Variants in COL23A1 observed in about 807,000 individuals in gnomAD.
COL23A1 encodes collagen alpha-1(XXIII) chain.
COL23A1 carries 97 observed loss-of-function variants against 99.3 expected under a neutral mutation model. The observed-to-expected ratio is 0.98, with a 90% CI of 0.83 to 1.16. COL23A1 has a LOEUF of 1.16. COL23A1 is among the 50% of genes most tolerant of loss of function. The probability of loss-of-function intolerance (pLI) is 0.00; values close to 1 mark genes in which losing one functional copy is unlikely to be tolerated. For missense variants in COL23A1, 762 were observed against 757.4 expected, an observed-to-expected ratio of 1.01 and a Z score of -0.07; for synonymous variants, 320 against 308.2, an observed-to-expected ratio of 1.04 and a Z score of -0.40.
intron 2 of COL23A1, among the ~76,000 whole-genome samples, chr5:178,485,741 C>A (rs1757588613): frequency 7.2e-6 from 1 of 139,548 alleles, no homozygotes; most frequent in East Asian, 2.1e-4. Flanking sequence ...GAGATCACAC[C>A]ATTGCACTCC....
intron 2 of COL23A1, among the ~76,000 whole-genome samples, chr5:178,555,692 C>G (rs1237962736): frequency 1.3e-5 from 2 of 152,214 alleles, no homozygotes; most frequent in African/African-American, 4.8e-5. Context: ...GGCTCCAGGA[C>G]ACGTGGAGTG....
At chr5:178,355,602 G>A (rs113805548) in intron 2 of COL23A1, among the ~76,000 whole-genome samples, 21 of 152,056 alleles carry the variant, frequency 1.4e-4, no homozygotes, top group South Asian at 4.2e-4. Context: ...GTGCGATCTC[G>A]GCTCACTGCA....
chr5:178,357,429 C>T (rs1040128272), intron 2 of COL23A1, among the ~76,000 whole-genome samples: 4 of 152,212 alleles, frequency 2.6e-5, no homozygotes, highest in African/African-American at 4.8e-5. Flanking sequence ...GAAATCAGGC[C>T]GGGCATGCAG....
chr5:178,294,041 G>A (rs1414489441), intron 3 of COL23A1, among the ~76,000 whole-genome samples: 2 of 151,982 alleles, frequency 1.3e-5, no homozygotes, highest in African/African-American at 4.8e-5. Flanking sequence ...CAATGAGGTG[G>A]GTGCACGTGG....
chr5:178,572,072 C>CAAAACAAAAAAAAAAAA (rs762501300), intron 1 of COL23A1, among the ~76,000 whole-genome samples: 1 of 109,496 alleles, frequency 9.1e-6, no homozygotes, highest in African/African-American at 3.9e-5. Context: ...TTTCTCAAAA[C>CAAAACAAAAAAAAAAAA]AAAAAAAAAA....
At chr5:178,273,638 T>C (rs951019838) in intron 5 of COL23A1, among the ~76,000 whole-genome samples, 1 of 152,214 alleles carries the variant, frequency 6.6e-6, no homozygotes, top group Non-Finnish European at 1.5e-5. Context: ...TGAAGCTCCC[T>C]GTGTGAAAAC....
intron 2 of COL23A1, among the ~76,000 whole-genome samples, chr5:178,555,821 C>T (rs1562086184): frequency 6.6e-6 from 1 of 151,618 alleles, no homozygotes; most frequent in Non-Finnish European, 1.5e-5. Flanking sequence ...TGTTCACAGA[C>T]GGTGGAGGCC....
chr5:178,367,326 CCTCT>C (rs953176118), intron 2 of COL23A1, among the ~76,000 whole-genome samples: 2 of 152,180 alleles, frequency 1.3e-5, no homozygotes, highest in African/African-American at 4.8e-5. Context: ...GTGGGTCACG[CCTCT>C]CTGTGTGCCC....
chr5:178,334,803 G>A (rs1760232027), intron 2 of COL23A1, among the ~76,000 whole-genome samples: 1 of 152,180 alleles, frequency 6.6e-6, no homozygotes, highest in Non-Finnish European at 1.5e-5. Flanking sequence ...AGTCTTAGGA[G>A]GTGGGAATAT....
At chr5:178,257,670 G>T (rs540444363) in intron 12 of COL23A1, 103 bp from the exon 13 acceptor site, 7 of 1,212,660 alleles carry the variant, frequency 5.8e-6, no homozygotes, top group Middle Eastern at 2.3e-4. Flanking sequence ...CCTGGCATCT[G>T]CACTGGCACA....
intron 2 of COL23A1, among the ~76,000 whole-genome samples, chr5:178,433,296 C>T (rs1203309499): frequency 1.3e-5 from 2 of 152,092 alleles, no homozygotes; most frequent in Non-Finnish European, 2.9e-5. Flanking sequence ...CTCAGGAACA[C>T]ATCCTACTTA....
rs1561897749 is a variant in COL23A1, at chr5:178,358,417, ATGTGTGTGTATGTGTATG to A, written c.362-51516_362-51499del. Among the ~76,000 whole-genome samples the A allele has an allele frequency of 3.7e-3, 410 of 111,554 alleles. 2 individuals are homozygous for A. Among genetic ancestry groups the A allele is most frequent in the African/African-American group, 0.012 (382 of 31,292 alleles). 73.2% of individuals were successfully genotyped at this position (111,554 alleles called of 152,430 possible). ...TGTGTATGTGTATGTGTGTATGTGT[ATGTGTGTGTATGTGTATG>A]TGTGTATGTGTGTATATGTATGCGT... On this transcript the variant is annotated intron_variant, in intron 2 of 28. Transcript: ENST00000390654.
At chr5:178,344,085 G>A (rs113066125) in intron 2 of COL23A1, among the ~76,000 whole-genome samples, 42 of 152,188 alleles carry the variant, frequency 2.8e-4, no homozygotes, top group East Asian at 1.7e-3. Flanking sequence ...AGAAATGAAC[G>A]TGTAGAAACT....
chr5:178,267,608 A>C (rs1755979267), intron 7 of COL23A1, among the ~76,000 whole-genome samples: 1 of 152,174 alleles, frequency 6.6e-6, no homozygotes, highest in South Asian at 2.1e-4. Context: ...TCGAGGCCCC[A>C]GACATTGTGG....
chr5:178,487,288 T>TTTTA (rs70997604), intron 2 of COL23A1, among the ~76,000 whole-genome samples: 20,649 of 116,260 alleles, frequency 0.18, 1,824 homozygotes, highest in Non-Finnish European at 0.24. Flanking sequence ...CCAGCCTCAG[T>TTTTA]TTTATTTATT....
chr5:178,525,894 C>T (rs1439952621), intron 2 of COL23A1, among the ~76,000 whole-genome samples: 1 of 152,292 alleles, frequency 6.6e-6, no homozygotes, highest in Non-Finnish European at 1.5e-5. Context: ...GAGCCCAAAA[C>T]TCTTTACACC....
intron 2 of COL23A1, among the ~76,000 whole-genome samples, chr5:178,420,480 C>T (rs1381816877): frequency 5.9e-5 from 5 of 85,282 alleles, no homozygotes; most frequent in Admixed American, 1.1e-4. Flanking sequence ...TCCCCTCCCC[C>T]GCTCTTTCCT....
intron 1 of COL23A1, among the ~76,000 whole-genome samples, chr5:178,581,292 G>A (rs1251090794): frequency 4.6e-5 from 7 of 152,124 alleles, no homozygotes; most frequent in Non-Finnish European, 2.9e-5. Flanking sequence ...GAGGCTGAGC[G>A]TGGTGGCTCA....
chr5:178,380,413 G>GTC (rs1458441754), intron 2 of COL23A1, among the ~76,000 whole-genome samples: 4 of 152,012 alleles, frequency 2.6e-5, no homozygotes, highest in African/African-American at 9.7e-5. Flanking sequence ...GTGTGTGTGT[G>GTC]TGTGTGTGTG....
Sources: gnomAD v4.1 joint callset for allele counts (sites outside exome capture counted in the v4.1 genomes callset) on GRCh38, gnomAD v4.1.1 for gene constraint, MANE v1.5 for transcripts, NCBI Gene and HGNC (gene_info 2026-07-23, HGNC 2026-07-21) for gene names.